MPPED2: variants seen among roughly 807,000 people sequenced by gnomAD.
MPPED2 encodes metallophosphoesterase MPPED2.
MPPED2 carries 5 observed loss-of-function variants against 33.0 expected under a neutral mutation model. That is an observed-to-expected ratio of 0.15 (90% confidence interval 0.08 to 0.32). MPPED2 has a LOEUF of 0.32. Among genes scored for constraint, MPPED2 ranks in the 10% least tolerant of loss-of-function variants. The pLI is 1.00. For missense variants in MPPED2, 275 were observed against 372.1 expected, an observed-to-expected ratio of 0.74 and a Z score of 2.15; for synonymous variants, 136 against 141.9, an observed-to-expected ratio of 0.96 and a Z score of 0.29.
exon 7 of MPPED2, chr11:30,384,708 C>T (rs1307542726): frequency 6.6e-6 from 1 of 152,154 alleles, no homozygotes; most frequent in South Asian, 2.1e-4. Context: ...GATCCACCCG[C>T]CTCGGCCTCC....
At chr11:30,581,284 T>C (rs757752313) in intron 1 of MPPED2, among the ~76,000 whole-genome samples, 4 of 152,256 alleles carry the variant, frequency 2.6e-5, no homozygotes, top group Non-Finnish European at 5.9e-5. Context: ...TCATTCTTGG[T>C]GCAACGTAAT....
At chr11:30,430,635 G>A (rs192082819) in intron 4 of MPPED2, among the ~76,000 whole-genome samples, 2 of 152,262 alleles carry the variant, frequency 1.3e-5, no homozygotes, top group Admixed American at 6.5e-5. Context: ...AAAATGCTAT[G>A]CACAGAGTTG....
intron 4 of MPPED2, among the ~76,000 whole-genome samples, chr11:30,456,354 G>C (rs554093611): frequency 7.9e-5 from 12 of 152,296 alleles, no homozygotes; most frequent in African/African-American, 2.6e-4. Flanking sequence ...TTCAGTTGAG[G>C]GGAATAAACA....
At chr11:30,558,608 G>A (rs1451645957) in intron 2 of MPPED2, among the ~76,000 whole-genome samples, 2 of 149,684 alleles carry the variant, frequency 1.3e-5, no homozygotes, top group Non-Finnish European at 3.0e-5. Context: ...TTTTGATAGA[G>A]ACAGGGTCTT....
chr11:30,468,035 C>A (rs1950788313), intron 4 of MPPED2, among the ~76,000 whole-genome samples: 1 of 152,156 alleles, frequency 6.6e-6, no homozygotes, highest in South Asian at 2.1e-4. Context: ...GTAAAAGATG[C>A]CATGTATTAC....
chr11:30,395,332 A>T (rs1305457231), intron 6 of MPPED2, among the ~76,000 whole-genome samples: 1 of 152,150 alleles, frequency 6.6e-6, no homozygotes, highest in Non-Finnish European at 1.5e-5. Flanking sequence ...AGATAAGATA[A>T]CTGAACCCCA....
chr11:30,475,580 C>T (rs2134087220), intron 4 of MPPED2, among the ~76,000 whole-genome samples: 1 of 152,216 alleles, frequency 6.6e-6, no homozygotes, highest in Admixed American at 6.5e-5. Flanking sequence ...GTCTTTCATT[C>T]AATATAATGA....
chr11:30,439,932 G>A (rs1376814149), intron 4 of MPPED2, among the ~76,000 whole-genome samples: 7 of 152,204 alleles, frequency 4.6e-5, no homozygotes. Context: ...TAATCCTACA[G>A]GCAGAATTAG....
chr11:30,484,640 C>T (rs954735999), intron 4 of MPPED2, among the ~76,000 whole-genome samples: 24 of 152,182 alleles, frequency 1.6e-4, no homozygotes, highest in Admixed American at 5.2e-4. Context: ...ATTACTCATA[C>T]ACTGAAAATG....
chr11:30,482,199 G>C (rs1220375604), intron 4 of MPPED2, among the ~76,000 whole-genome samples: 2 of 152,148 alleles, frequency 1.3e-5, no homozygotes, highest in Non-Finnish European at 2.9e-5. Flanking sequence ...GAAAATCGCT[G>C]TTATAACTTG....
chr11:30,540,399 C>G (rs1250174016), intron 2 of MPPED2, among the ~76,000 whole-genome samples: 1 of 152,162 alleles, frequency 6.6e-6, no homozygotes, highest in Non-Finnish European at 1.5e-5. Context: ...GTTCCCTCAT[C>G]AGTAAAACAG....
intron 4 of MPPED2, among the ~76,000 whole-genome samples, chr11:30,441,579 C>G (rs1949574549): frequency 6.6e-6 from 1 of 152,166 alleles, no homozygotes; most frequent in Non-Finnish European, 1.5e-5. Flanking sequence ...AAGATGCCCC[C>G]CTATTCCAGG....
At chr11:30,477,783 A>T (rs1951287415) in intron 4 of MPPED2, among the ~76,000 whole-genome samples, 1 of 152,006 alleles carries the variant, frequency 6.6e-6, no homozygotes, top group South Asian at 2.1e-4. Flanking sequence ...AGATTTCATT[A>T]CTTCTTCTTT....
intron 6 of MPPED2, among the ~76,000 whole-genome samples, chr11:30,389,676 C>T (rs539630927): frequency 5.8e-4 from 89 of 152,330 alleles, no homozygotes; most frequent in African/African-American, 2.1e-3. Context: ...TTCTGCTTCT[C>T]TAGAAAATAT....
At chr11:30,386,649 T>A in exon 7 of MPPED2, 1 of 398,442 alleles carries the variant, frequency 2.5e-6, no homozygotes, top group Non-Finnish European at 4.4e-6. Flanking sequence ...GGGTTCAGAA[T>A]TTGGATCCCA....
chr11:30,446,808 C>T (rs1949830484), intron 4 of MPPED2, among the ~76,000 whole-genome samples: 1 of 152,154 alleles, frequency 6.6e-6, no homozygotes, highest in South Asian at 2.1e-4. Context: ...GTCGGAGCCC[C>T]CCCCGACGCC....
intron 4 of MPPED2, 197 bp downstream of exon 4, chr11:30,495,099 G>A (rs1952192954): frequency 1.7e-6 from 1 of 589,948 alleles, no homozygotes; most frequent in South Asian, 2.1e-5. Flanking sequence ...TATTGATCTT[G>A]CCTAAAGGGA....
intron 4 of MPPED2, among the ~76,000 whole-genome samples, chr11:30,493,247 T>G (rs1000296716): frequency 1.3e-5 from 2 of 151,702 alleles, no homozygotes; most frequent in African/African-American, 2.4e-5. Flanking sequence ...GGCGGGCGCC[T>G]GTAGTCCCAG....
intron 2 of MPPED2, among the ~76,000 whole-genome samples, chr11:30,575,198 G>A (rs1590918288): frequency 6.6e-6 from 1 of 151,862 alleles, no homozygotes; most frequent in East Asian, 1.9e-4. Flanking sequence ...AAGCAACACT[G>A]ACAGATACTA....
Sources: gnomAD v4.1 joint callset for allele counts (sites outside exome capture counted in the v4.1 genomes callset) on GRCh38, gnomAD v4.1.1 for gene constraint, MANE v1.5 for transcripts, NCBI Gene and HGNC (gene_info 2026-07-23, HGNC 2026-07-21) for gene names.